TTN: variants seen among roughly 807,000 people sequenced by gnomAD.
TTN encodes the protein titin.
Under a neutral mutation model 3,223.0 loss-of-function variants are expected in TTN, and 1,525 were observed. The observed-to-expected ratio is 0.47, with a 90% CI of 0.45 to 0.49. The LOEUF (loss-of-function observed/expected upper bound fraction) is 0.49. Among genes scored for constraint, TTN ranks in the 20% least tolerant of loss-of-function variants. The pLI is 0.00. For missense variants in TTN, 40,786 were observed against 43,424.0 expected, an observed-to-expected ratio of 0.94 and a Z score of 5.40; for synonymous variants, 14,094 against 15,161.0, an observed-to-expected ratio of 0.93 and a Z score of 5.17.
rs549580814 is a variant in TTN at position 178,624,910 on chromosome 2, C to T, written c.44549-179G>A. Among the ~76,000 whole-genome samples the T allele has an allele frequency of 2.6e-4, 39 of 151,944 alleles. 1 individual carries two copies. The highest frequency in any genetic ancestry group is 3.4e-3 in the Middle Eastern group (1 of 294). On this transcript the variant is annotated intron_variant, in intron 241 of 362. Coordinates refer to ENST00000589042, the MANE Select transcript of TTN (RefSeq NM_001267550.2). ...GATATTTTATCATTATTTGTACAGA[C>T]AAGAGGAAAATCATTTTTAAAAACT...
chr2:178,535,122 T>C lies in TTN; in HGVS notation c.101493A>G (p.Gly33831=). ...ATGTTTCAACACAACGATGGACAAT[T>C]CCAAACTCACCACGCCCAAGATCTT... The part of the protein sequence containing the change: ...IAEDLGRGEF[G]IVHRCVETSS... The change falls in exon 358 of 363, where the codon GGA becomes GGG. Residue 33831 remains glycine (G), a synonymous_variant. Transcript: ENST00000589042. 1 of 1,613,838 alleles carries C rather than the reference T, an allele frequency of 6.2e-7. No individual in the cohort carries two copies. The highest frequency in any genetic ancestry group is 8.5e-7 in the Non-Finnish European group (1 of 1,179,846).
intron 326 of TTN, 168 bp from the exon 327 acceptor site, chr2:178,558,805 C>A: frequency 1.5e-6 from 1 of 684,894 alleles, no homozygotes; most frequent in Non-Finnish European, 2.4e-6. Flanking sequence ...AACCAAGGCT[C>A]CCACAAGCTA....
chr2:178,720,027 T>G lies in TTN; in HGVS notation c.23615A>C (p.Asn7872Thr), dbSNP rs746024262. 3.1e-6 allele frequency: 5 copies of G among 1,613,108 alleles called. No individual in the cohort carries two copies. In the South Asian group the frequency reaches 4.4e-5, roughly 14 times the overall value. ...NSGKYICQIK[N>T]DAGMRECSAV... ...AGAGCATTCTCTCATTCCAGCATCG[T>G]TTTTGATTTGGCATATATATTTTCC... is the stretch of plus-strand genomic sequence containing the variant. The change falls in exon 81 of 363, where the codon AAC becomes ACC. Residue 7872 changes from asparagine (N) to threonine (T), a missense_variant. Coordinates refer to ENST00000589042, the MANE Select transcript of TTN (RefSeq NM_001267550.2).
chr2:178,793,654 G>T, intron 8 of TTN, 113 bp from the exon 9 acceptor site: 1 of 1,468,118 alleles, frequency 6.8e-7, no homozygotes, highest in Non-Finnish European at 9.3e-7. Context: ...ACAAAAATTA[G>T]CTGGGTGTGG....
rs1244220759 is a variant in TTN, at chr2:178,667,307, G to A, written c.35726C>T (p.Thr11909Ile). 1 of 1,601,692 alleles carries A rather than the reference G, an allele frequency of 6.2e-7. No homozygotes were observed. Among genetic ancestry groups the A allele is most frequent in the Non-Finnish European group, 8.5e-7 (1 of 1,174,010 alleles). Residue 11909 changes from threonine (T) to isoleucine (I), a missense_variant, in exon 162 of 363, where the codon ACC (threonine) becomes ATC (isoleucine). By Grantham distance (89) the Thr-to-Ile change is moderately conservative. Coordinates refer to ENST00000589042, the MANE Select transcript of TTN (RefSeq NM_001267550.2). ...ETPATKEPDT[T>I]RGIFPEVEPP... Reference sequence around the variant, plus strand: ...CTCCACCTCTGGAAAAATGCCTCTGGTTGTATCAGGTTCTTTAAAGATATT... The same window carrying A: ...CTCCACCTCTGGAAAAATGCCTCTGATTGTATCAGGTTCTTTAAAGATATT...
chr2:178,552,070 G>A lies in TTN; in HGVS notation c.90830C>T (p.Ser30277Leu), dbSNP rs1490223188. ...TTTGAAAGTCGTTCTGGCAACACTT[G>A]AACACACCATCTTCCAGTTAGTTTG... ...TSQTNWKMVC[S>L]SVARTTFKVP... Residue 30277 changes from serine (S) to leucine (L), a missense_variant, in exon 335 of 363, where the codon TCA becomes TTA. Ser to Leu is a moderately radical substitution (Grantham distance 145). Transcript: ENST00000589042. 6.2e-7 allele frequency: 1 copy of A among 1,613,722 alleles called. No individual in the cohort carries two copies. The highest frequency in any genetic ancestry group is 1.7e-5 in the Admixed American group (1 of 60,006).
intron 2 of TTN, 70 bp downstream of exon 2, chr2:178,804,482 T>A: frequency 6.7e-7 from 1 of 1,491,878 alleles, no homozygotes; most frequent in South Asian, 1.2e-5. Flanking sequence ...CGTCAAGTCC[T>A]GCAGCAACGT....
At chr2:178,684,117 C>G (rs775420898) in intron 132 of TTN, 35 bp from the exon 133 acceptor site, 1 of 1,605,750 alleles carries the variant, frequency 6.2e-7, no homozygotes, top group African/African-American at 1.3e-5. Context: ...AGTATTGTTT[C>G]CCTCTTTCAA....
chr2:178,618,786 C>T lies in TTN; in HGVS notation c.46764G>A (p.Val15588=). Residue 15588 remains valine (V), a synonymous_variant, in exon 251 of 363, where the codon GTG becomes GTA. Transcript: ENST00000589042. ...CTTTGGGGTAGGCATCATATGGCAC[C>T]ACCATTGTCAGAGGCTTGCCAACAT... The part of the protein sequence containing the change: ...VVDVGKPLTM[V]VPYDAYPKAE... 1 of 1,611,358 alleles carries T rather than the reference C, an allele frequency of 6.2e-7. No homozygotes were observed. The highest frequency in any genetic ancestry group is 8.5e-7 in the Non-Finnish European group (1 of 1,178,722).
chr2:178,752,208 G>A (rs1358276158), intron 47 of TTN, among the ~76,000 whole-genome samples: 2 of 151,976 alleles, frequency 1.3e-5, no homozygotes, highest in African/African-American at 2.4e-5. Flanking sequence ...ACCATGCTCT[G>A]TTTAAAAGAT....
Position 178,562,335 on chromosome 2 carries a change from C to G in TTN, c.83797G>C (p.Val27933Leu). 6.2e-7 allele frequency: 1 copy of G among 1,611,936 alleles called. No homozygotes were observed. Among genetic ancestry groups the G allele is most frequent in the Non-Finnish European group, 8.5e-7 (1 of 1,179,100 alleles). Residue 27933 changes from valine (V) to leucine (L), a missense_variant, in exon 326 of 363, where the codon GTC becomes CTC. Coordinates refer to ENST00000589042, the MANE Select transcript of TTN (RefSeq NM_001267550.2). ...ISGLTAGEEY[V>L]FRVAAVNEKG... is the part of the protein sequence containing the mutation. The stretch of plus-strand genomic sequence containing the variant: ...TCGTTAACTGCAGCTACCCTGAAGA[C>G]ATACTCTTCTCCTGCAGTTAAGCCA...
intron 47 of TTN, among the ~76,000 whole-genome samples, chr2:178,743,431 A>T (rs918256419): frequency 6.6e-6 from 1 of 151,928 alleles, no homozygotes; most frequent in East Asian, 1.9e-4. Context: ...AAAGTAAGCC[A>T]AGGCTTACTT....
intron 270 of TTN, 107 bp from the exon 271 acceptor site, chr2:178,610,496 G>T: frequency 8.2e-7 from 1 of 1,215,888 alleles, no homozygotes; most frequent in Non-Finnish European, 1.2e-6. Context: ...GATAATCTTT[G>T]ATGTGCTGGA....
At chr2:178,616,682 G>A (rs2057404053) in intron 256 of TTN, 47 bp downstream of exon 256, 1 of 1,611,648 alleles carries the variant, frequency 6.2e-7, no homozygotes, top group Admixed American at 1.7e-5. Context: ...ACTAATATTT[G>A]TTAATACTGC....
intron 158 of TTN, 25 bp downstream of exon 158, chr2:178,669,567 T>C (rs2066601178): frequency 1.2e-6 from 2 of 1,610,590 alleles, no homozygotes; most frequent in Non-Finnish European, 1.7e-6. Context: ...AATTATTTCA[T>C]GTTCTGATTA....
chr2:178,774,458 A>G lies in TTN; in HGVS notation c.6806T>C (p.Phe2269Ser), dbSNP rs1340770955. The G allele has an allele frequency of 1.2e-6, 2 of 1,612,800 alleles. No individual in the cohort carries two copies. Among genetic ancestry groups the G allele is most frequent in the Admixed American group, 1.7e-5 (1 of 59,976 alleles). The change falls in exon 30 of 363, where the codon TTT (phenylalanine) becomes TCT (serine). Residue 2269 changes from phenylalanine (F) to serine (S), a missense_variant. Coordinates refer to ENST00000589042, the MANE Select transcript of TTN (RefSeq NM_001267550.2). Reference protein sequence around the residue: ...KLIVEGAVVEFVKELQDIEVP... With the variant: ...KLIVEGAVVESVKELQDIEVP... Reference sequence around the variant, plus strand: ...TTCTATGTCCTGAAGTTCTTTCACAAACTCAACAACTGCACCTGAAGTGTA... The same window carrying G: ...TTCTATGTCCTGAAGTTCTTTCACAGACTCAACAACTGCACCTGAAGTGTA...
chr2:178,717,250 T>C lies in TTN; in HGVS notation c.25484A>G (p.Glu8495Gly), dbSNP rs747674081. The C allele has an allele frequency of 6.2e-7, 1 of 1,613,622 alleles. No individual in the cohort carries two copies. Among genetic ancestry groups the C allele is most frequent in the African/African-American group, 1.3e-5 (1 of 74,918 alleles). Reference sequence around the variant, plus strand: ...CTTGTAGTTGCCTCCAGGGCGAATCTCTCGGTTATCTTTGGCCCAAGTGAT... The same window carrying C: ...CTTGTAGTTGCCTCCAGGGCGAATCCCTCGGTTATCTTTGGCCCAAGTGAT... ...IKITWAKDNR[E>G]IRPGGNYKMT... is the part of the protein sequence containing the mutation. The change falls in exon 88 of 363, where the codon GAG becomes GGG. Residue 8495 changes from glutamate to glycine, a missense_variant. By Grantham distance (98) the Glu-to-Gly change is moderately conservative. Coordinates refer to ENST00000589042, the MANE Select transcript of TTN (RefSeq NM_001267550.2).
rs1368301106 is a variant in TTN at position 178,582,933 on chromosome 2, T to C, written c.65863+7A>G. On this transcript the variant is annotated splice_region_variant and intron_variant, in intron 313 of 362. Transcript: ENST00000589042. ...AATATGGGATTCCAATGAAGTTTATTAGTTACCTAACACTTTAAGCTTAAT... is the reference window on the plus strand; with the variant it reads ...AATATGGGATTCCAATGAAGTTTATCAGTTACCTAACACTTTAAGCTTAAT... The C allele has an allele frequency of 6.7e-7, 1 of 1,486,088 alleles. No homozygotes were observed. The highest frequency in any genetic ancestry group is 2.3e-5 in the East Asian group (1 of 42,858). The allele number at this position is 1,486,088 out of a possible 1,614,324, so 92.1% of individuals were successfully genotyped here.
chr2:178,730,144 G>T lies in TTN; in HGVS notation c.18256C>A (p.Leu6086Ile), dbSNP rs1160746683. Residue 6086 changes from leucine to isoleucine, a missense_variant, in exon 62 of 363, where the codon CTA (leucine) becomes ATA (isoleucine). By Grantham distance (5) the Leu-to-Ile change is conservative. Coordinates refer to ENST00000589042, the MANE Select transcript of TTN (RefSeq NM_001267550.2). ...ATDSGTYICQ[L>I]SNDVGTATSK... ...GTTGCTGTGCCAACATCATTGCTTAGTTGGCAAATGTAGGTTCCAGAATCG... is the reference window on the plus strand; with the variant it reads ...GTTGCTGTGCCAACATCATTGCTTATTTGGCAAATGTAGGTTCCAGAATCG... The T allele has an allele frequency of 1.2e-6, 2 of 1,613,002 alleles. No homozygotes were observed. The highest frequency in any genetic ancestry group is 1.1e-5 in the South Asian group (1 of 90,998).
Sources: gnomAD v4.1 joint callset for allele counts (sites outside exome capture counted in the v4.1 genomes callset) on GRCh38, gnomAD v4.1.1 for gene constraint, MANE v1.5 for transcripts, NCBI Gene and HGNC (gene_info 2026-07-23, HGNC 2026-07-21) for gene names.